The following UGT1A7 variants were observed in gnomAD, a reference collection of about 807,000 sequenced individuals.
UGT1A7 encodes the protein UDP-glucuronosyltransferase 1A7.
A neutral mutation model predicts 45.6 loss-of-function variants in UGT1A7; 33 were observed. That is an observed-to-expected ratio of 0.72 (90% CI 0.55 to 0.97). The LOEUF is 0.97. Ranked by LOEUF, UGT1A7 falls within the 50% of genes least tolerant of loss-of-function variation. UGT1A7 has a pLI of 0.00. For synonymous variants in UGT1A7, 274 were observed against 250.6 expected, an observed-to-expected ratio of 1.09 and a Z score of -0.88; for missense variants, 684 against 666.2, an observed-to-expected ratio of 1.03 and a Z score of -0.29.
At position 233,765,498 on chromosome 2, in the gene UGT1A7, A is replaced by T. The variant is rs145381988; in HGVS notation, c.856-1536A>T. Among the ~76,000 whole-genome samples the T allele has an allele frequency of 4.4e-3, 672 of 152,238 alleles. 2 individuals carry two copies. Among genetic ancestry groups the T allele is most frequent in the African/African-American group, 0.015 (643 of 41,546 alleles). On this transcript the variant is annotated intron_variant, in intron 1 of 4. Coordinates refer to ENST00000373426, the MANE Select transcript of UGT1A7 (RefSeq NM_019077.3). ...GGAAGCCATCATCCTCCACAAACTAACACAGGAACAGAAAATCAAACACCG... is the reference window on the plus strand; with the variant it reads ...GGAAGCCATCATCCTCCACAAACTATCACAGGAACAGAAAATCAAACACCG...
chr2:233,691,015 G>T, intron 1 of UGT1A7: 1 of 993,080 alleles, frequency 1.0e-6, no homozygotes, highest in Non-Finnish European at 1.2e-6. Flanking sequence ...GCAAGGCTGT[G>T]GTTGGAAGGG....
At chr2:233,716,025 T>C (rs1312533975) in intron 1 of UGT1A7, among the ~76,000 whole-genome samples, 1 of 152,226 alleles carries the variant, frequency 6.6e-6, no homozygotes, top group African/African-American at 2.4e-5. Flanking sequence ...ATAGTTTCTT[T>C]TGATGTCAGC....
intron 1 of UGT1A7, among the ~76,000 whole-genome samples, chr2:233,694,285 G>A (rs1303012674): frequency 6.6e-6 from 1 of 151,386 alleles, no homozygotes; most frequent in African/African-American, 2.4e-5. Flanking sequence ...AGCCCAATCT[G>A]CCCAAAGGCC....
intron 1 of UGT1A7, chr2:233,754,871 T>A: frequency 1.5e-6 from 2 of 1,352,992 alleles, no homozygotes; most frequent in African/African-American, 1.5e-5. Context: ...ACCCTCTGCT[T>A]CTGCTTCCCA....
chr2:233,710,755 G>T (rs938686167), intron 1 of UGT1A7, among the ~76,000 whole-genome samples: 7 of 152,162 alleles, frequency 4.6e-5, no homozygotes, highest in African/African-American at 1.7e-4. Context: ...AAAGTTGCAA[G>T]TTTTGATTAA....
At chr2:233,747,651 G>T (rs566750548) in intron 1 of UGT1A7, 4 of 1,588,612 alleles carry the variant, frequency 2.5e-6, no homozygotes, top group African/African-American at 2.7e-5. Flanking sequence ...TACTTCCTTC[G>T]ATGTGGTTTT....
At chr2:233,755,411 C>G (rs1182147250) in intron 1 of UGT1A7, 4 of 330,942 alleles carry the variant, frequency 1.2e-5, no homozygotes, top group South Asian at 7.6e-5. Flanking sequence ...TTGGCCGAGG[C>G]CTGTGAGCGC....
chr2:233,739,944 C>T (rs937638963), intron 1 of UGT1A7, among the ~76,000 whole-genome samples: 6 of 151,864 alleles, frequency 4.0e-5, no homozygotes, highest in Admixed American at 3.3e-4. Flanking sequence ...AGGTTGGTAC[C>T]TGGTGGGAGC....
chr2:233,714,763 T>C (rs2076410603), intron 1 of UGT1A7, among the ~76,000 whole-genome samples: 1 of 152,268 alleles, frequency 6.6e-6, no homozygotes, highest in African/African-American at 2.4e-5. Flanking sequence ...ACTTACAGTA[T>C]ATCTCAATTT....
At chr2:233,691,504 G>T (rs45594938) in intron 1 of UGT1A7, 354 of 985,758 alleles carry the variant, frequency 3.6e-4, no homozygotes, top group Middle Eastern at 5.2e-4. Flanking sequence ...AGGAACTCGC[G>T]TGCCAGCCAG....
intron 4 of UGT1A7, among the ~76,000 whole-genome samples, chr2:233,768,754 T>C (rs899936789): frequency 6.6e-6 from 1 of 151,960 alleles, no homozygotes; most frequent in Non-Finnish European, 1.5e-5. Context: ...GGTTAATTTT[T>C]GTATTTTTTA....
At chr2:233,751,940 C>A (rs1176362402) in intron 1 of UGT1A7, among the ~76,000 whole-genome samples, 1 of 152,072 alleles carries the variant, frequency 6.6e-6, no homozygotes, top group Non-Finnish European at 1.5e-5. Flanking sequence ...TGAAGTTATA[C>A]TGAAAGGGTT....
At chr2:233,760,167 A>T (rs982651614) in intron 1 of UGT1A7, 4 of 1,523,868 alleles carry the variant, frequency 2.6e-6, no homozygotes, top group Non-Finnish European at 2.6e-6. Flanking sequence ...ACCTTTGTGG[A>T]CTGACAGCTT....
intron 1 of UGT1A7, among the ~76,000 whole-genome samples, chr2:233,712,602 A>G (rs998294474): frequency 6.6e-6 from 1 of 152,190 alleles, no homozygotes; most frequent in African/African-American, 2.4e-5. Context: ...ATGGTTGGGG[A>G]CTAGGGCAAT....
intron 1 of UGT1A7, among the ~76,000 whole-genome samples, chr2:233,717,571 A>C (rs1166203579): frequency 6.6e-6 from 1 of 152,240 alleles, no homozygotes; most frequent in Non-Finnish European, 1.5e-5. Context: ...ATGGCCAGGC[A>C]TGTAGACACA....
chr2:233,729,769 C>T (rs760048643), intron 1 of UGT1A7: 6 of 1,614,014 alleles, frequency 3.7e-6, no homozygotes, highest in East Asian at 2.2e-5. Flanking sequence ...CAAGAACATG[C>T]TCTACCCTCT....
chr2:233,685,269 G>C (rs2074731208), intron 1 of UGT1A7, among the ~76,000 whole-genome samples: 1 of 152,250 alleles, frequency 6.6e-6, no homozygotes, highest in East Asian at 1.9e-4. Context: ...CTGACCTCAA[G>C]TGATCCGCCC....
intron 1 of UGT1A7, among the ~76,000 whole-genome samples, chr2:233,699,110 A>C (rs1295776189): frequency 1.3e-5 from 2 of 152,202 alleles, no homozygotes; most frequent in East Asian, 1.9e-4. Flanking sequence ...CACCTGCCCC[A>C]AAACAGTTCT....
At chr2:233,688,114 CT>C (rs2125539031) in intron 1 of UGT1A7, among the ~76,000 whole-genome samples, 1 of 152,300 alleles carries the variant, frequency 6.6e-6, no homozygotes, top group South Asian at 2.1e-4. Flanking sequence ...TCTTCTACCC[CT>C]CAGCACTAAT....
Sources: allele counts gnomAD v4.1 joint callset (sites outside exome capture counted in the v4.1 genomes callset), GRCh38; gene constraint gnomAD v4.1.1; transcripts MANE v1.5; gene names NCBI Gene and HGNC (gene_info 2026-07-23, HGNC 2026-07-21).